The following TYW1B variants were observed in gnomAD, a reference collection of about 807,000 sequenced individuals.
TYW1B encodes S-adenosyl-L-methionine-dependent tRNA 4-demethylwyosine synthase TYW1B.
TYW1B carries 73 observed loss-of-function variants against 86.9 expected under a neutral mutation model. That is an observed-to-expected ratio of 0.84 (90% CI 0.70 to 1.02). The LOEUF (loss-of-function observed/expected upper bound fraction) is 1.02, where lower values mean the gene tolerates loss of function less well. Among genes scored for constraint, TYW1B ranks in the 50% least tolerant of loss-of-function variants. The pLI, the probability that TYW1B is intolerant of heterozygous loss-of-function variation, is 0.00. For missense variants in TYW1B, 637 were observed against 827.4 expected, an observed-to-expected ratio of 0.77 and a Z score of 2.82; for synonymous variants, 248 against 292.8, an observed-to-expected ratio of 0.85 and a Z score of 1.56.
In TYW1B at chr7:72,730,708, G is replaced by A. The variant is rs539079883; in HGVS notation, c.1083-1777C>T. On this transcript the variant is annotated intron_variant, in intron 8 of 13. Coordinates refer to ENST00000620995, the MANE Select transcript of TYW1B (RefSeq NM_001145440.3). ...AGGAGGAGGAAGAGCAGGAGGAGGA[G>A]CAGCAGCAGGAGGCGTAGGAAAAAA... Among the ~76,000 whole-genome samples the A allele has an allele frequency of 5.9e-5, 9 of 151,830 alleles. No individual in the cohort carries two copies. The South Asian group carries it at 1.9e-3, about 32-fold the overall frequency.
chr7:72,776,671 GAATT>G (rs71517367), intron 7 of TYW1B, among the ~76,000 whole-genome samples: 102,708 of 149,642 alleles, frequency 0.69, 36,074 homozygotes, highest in Non-Finnish European at 0.77. Flanking sequence ...TTTTAAAAAT[GAATT>G]AATTTGAAAG....
At chr7:72,635,600 T>C (rs1371599304) in intron 11 of TYW1B, among the ~76,000 whole-genome samples, 2 of 152,216 alleles carry the variant, frequency 1.3e-5, no homozygotes, top group Non-Finnish European at 2.9e-5. Flanking sequence ...AGTTCTCTTA[T>C]GTCGTCCTTC....
intron 9 of TYW1B, among the ~76,000 whole-genome samples, chr7:72,721,200 C>T (rs1176270188): frequency 3.9e-5 from 6 of 152,122 alleles, no homozygotes; most frequent in African/African-American, 1.4e-4. Flanking sequence ...AGTGCTGCAA[C>T]AAACATACGT....
chr7:72,675,584 T>C lies in TYW1B; in HGVS notation c.1506+19103A>G, dbSNP rs565584183. On this transcript the variant is annotated intron_variant, in intron 11 of 13. Coordinates refer to ENST00000620995, the MANE Select transcript of TYW1B (RefSeq NM_001145440.3). Reference sequence around the variant, plus strand: ...ACACATATATATATACACACACACATATATATATATACACACACACACATG... The same window carrying C: ...ACACATATATATATACACACACACACATATATATATACACACACACACATG... Among the ~76,000 whole-genome samples the C allele has an allele frequency of 2.9e-3, 431 of 148,354 alleles. 2 individuals are homozygous for C. Among genetic ancestry groups the C allele is most frequent in the African/African-American group, 7.6e-3 (309 of 40,638 alleles).
chr7:72,647,170 T>C (rs782568788), intron 11 of TYW1B, among the ~76,000 whole-genome samples: 8 of 152,198 alleles, frequency 5.3e-5, no homozygotes, highest in Non-Finnish European at 7.3e-5. Flanking sequence ...GCTTATCAAA[T>C]TGGCAAAGAT....
At chr7:72,697,986 GGAGA>G (rs1205253020) in intron 10 of TYW1B, 1 of 154,022 alleles carries the variant, frequency 6.5e-6, no homozygotes, top group Admixed American at 6.5e-5. Flanking sequence ...GGAAAAAAAA[GGAGA>G]GAGATTTATG....
rs1223494839 is a variant in TYW1B at position 72,810,749 on chromosome 7, T to C, written c.238-84A>G. 6 of 1,492,048 alleles carry C rather than the reference T, an allele frequency of 4.0e-6. No individual in the cohort carries two copies. In the East Asian group the frequency reaches 1.4e-4, roughly 35 times the overall value. 92.4% of individuals were successfully genotyped at this position (1,492,048 alleles called of 1,614,324 possible). On this transcript the variant is annotated intron_variant, in intron 3 of 13. Coordinates refer to ENST00000620995, the MANE Select transcript of TYW1B (RefSeq NM_001145440.3). ...GAAAATCCTTTGAAAAAAAGCATAC[T>C]CATCTCAAAGAACAAAGGGTACCTT...
intron 12 of TYW1B, among the ~76,000 whole-genome samples, chr7:72,624,509 C>T (rs1812294138): frequency 6.6e-6 from 1 of 152,146 alleles, no homozygotes; most frequent in Non-Finnish European, 1.5e-5. Context: ...TGTTTTGCTT[C>T]TTAGTAGCAG....
intron 7 of TYW1B, among the ~76,000 whole-genome samples, chr7:72,766,615 A>AAAT (rs1787774682): frequency 6.9e-6 from 1 of 144,386 alleles, no homozygotes; most frequent in East Asian, 2.0e-4. Context: ...TTCAGTCTCA[A>AAAT]AAAAAAAAAA....
intron 5 of TYW1B, among the ~76,000 whole-genome samples, chr7:72,806,243 T>G (rs1181512188): frequency 4.6e-5 from 7 of 151,234 alleles, no homozygotes; most frequent in African/African-American, 1.7e-4. Context: ...GTGGGTTTTT[T>G]TTTTTTTTTT....
At position 72,675,556 on chromosome 7, in the gene TYW1B, T is replaced by TATATAC. The variant is rs1491419640; in HGVS notation, c.1506+19130_1506+19131insGTATAT. ...TGATGTCAGTATATATATATATATA[T>TATATAC]ACACACATATATATATACACACACA... is the stretch of plus-strand genomic sequence containing the variant. On this transcript the variant is annotated intron_variant, in intron 11 of 13. Coordinates refer to ENST00000620995, the MANE Select transcript of TYW1B (RefSeq NM_001145440.3). Among the ~76,000 whole-genome samples, 772 of 136,026 alleles carry TATATAC rather than the reference T, an allele frequency of 5.7e-3. 4 individuals carry two copies. The highest frequency in any genetic ancestry group is 6.4e-3 in the Non-Finnish European group (401 of 63,096). The allele number at this position is 136,026 out of a possible 152,430, so 89.2% of individuals were successfully genotyped here.
At chr7:72,822,113 G>A (rs1467989028) in intron 2 of TYW1B, among the ~76,000 whole-genome samples, 4 of 145,764 alleles carry the variant, frequency 2.7e-5, no homozygotes, top group African/African-American at 1.0e-4. Context: ...CACTTTGGGA[G>A]GCCAATGCCA....
chr7:72,728,515 C>T (rs192075099), intron 9 of TYW1B, among the ~76,000 whole-genome samples: 73 of 152,244 alleles, frequency 4.8e-4, no homozygotes, highest in Non-Finnish European at 9.8e-4. Context: ...CCATGTTAGC[C>T]AGGCTCATCT....
intron 13 of TYW1B, among the ~76,000 whole-genome samples, chr7:72,606,455 C>T (rs191114871): frequency 1.3e-5 from 2 of 152,188 alleles, no homozygotes; most frequent in East Asian, 3.9e-4. Context: ...CTCCTCCTCC[C>T]CTCCAGCTGT....
chr7:72,710,094 C>T (rs1786609508), intron 10 of TYW1B, among the ~76,000 whole-genome samples: 1 of 152,202 alleles, frequency 6.6e-6, no homozygotes, highest in Non-Finnish European at 1.5e-5. Context: ...ATATCATACT[C>T]TATAATTTTC....
chr7:72,650,095 T>C (rs1813024540), intron 11 of TYW1B, among the ~76,000 whole-genome samples: 2 of 151,290 alleles, frequency 1.3e-5, no homozygotes, highest in Non-Finnish European at 2.9e-5. Flanking sequence ...TTGGTATTTT[T>C]AATAAAGACG....
At chr7:72,745,851 G>GGT (rs1162824267) in intron 7 of TYW1B, among the ~76,000 whole-genome samples, 2,380 of 75,084 alleles carry the variant, frequency 0.032, 35 homozygotes, top group African/African-American at 0.048. Flanking sequence ...CGTGTATAGG[G>GGT]GTGTGTGTGT....
rs184853639 is a variant in TYW1B, at chr7:72,653,529, C to T, written c.1507-24532G>A. On this transcript the variant is annotated intron_variant, in intron 11 of 13. Transcript: ENST00000620995. ...GGCTGAGGCAGGAGAATGGCGTGAA[C>T]CTGGGAGGCGGAGCTTGCAGTGAGC... is the stretch of plus-strand genomic sequence containing the variant. Among the ~76,000 whole-genome samples, 849 of 151,962 alleles carry T rather than the reference C, an allele frequency of 5.6e-3. 5 individuals are homozygous for T. Among genetic ancestry groups the T allele is most frequent in the Middle Eastern group, 0.014 (4 of 294 alleles).
intron 6 of TYW1B, among the ~76,000 whole-genome samples, chr7:72,799,438 C>CAA (rs2129572453): frequency 6.6e-6 from 1 of 151,942 alleles, no homozygotes; most frequent in South Asian, 2.1e-4. Flanking sequence ...GCTGGGATTA[C>CAA]AAGCATGAGT....
Sources: gnomAD v4.1 joint callset for allele counts (sites outside exome capture counted in the v4.1 genomes callset) on GRCh38, gnomAD v4.1.1 for gene constraint, MANE v1.5 for transcripts, NCBI Gene and HGNC (gene_info 2026-07-23, HGNC 2026-07-21) for gene names.